The following MDGA2 variants were observed in gnomAD, a reference collection of about 807,000 sequenced individuals.
MDGA2 encodes MAM domain containing glycosylphosphatidylinositol anchor 2.
A neutral mutation model predicts 117.8 loss-of-function variants in MDGA2; 40 were observed. That is an observed-to-expected ratio of 0.34 (90% CI 0.26 to 0.44). The LOEUF (loss-of-function observed/expected upper bound fraction) is 0.44, where lower values mean the gene tolerates loss of function less well. Among genes scored for constraint, MDGA2 ranks in the 20% least tolerant of loss-of-function variants. MDGA2 has a pLI of 1.00. For synonymous variants in MDGA2, 452 were observed against 439.0 expected, an observed-to-expected ratio of 1.03 and a Z score of -0.37; for missense variants, 1,123 against 1,250.6, an observed-to-expected ratio of 0.90 and a Z score of 1.54.
At chr14:47,402,350 CA>C (rs200020346) in intron 1 of MDGA2, among the ~76,000 whole-genome samples, 1 of 106,182 alleles carries the variant, frequency 9.4e-6, no homozygotes, top group African/African-American at 3.7e-5. Context: ...CCCCACCCCG[CA>C]AAAAAAAGAG....
In MDGA2 at chr14:47,163,955, G is replaced by A. The variant is rs117960278; in HGVS notation, c.596-19681C>T. On this transcript the variant is annotated intron_variant, in intron 3 of 16. Coordinates refer to ENST00000399232, the MANE Select transcript of MDGA2 (RefSeq NM_001113498.3). ...GAGGCAGCCATGTCCTCACTGGCTC[G>A]TGGAGGGATTGAGGGCTGTGCTTCT... Among the ~76,000 whole-genome samples the A allele has an allele frequency of 2.7e-4, 41 of 152,314 alleles. No individual in the cohort carries two copies. In the East Asian group the frequency reaches 4.6e-3, roughly 17 times the overall value.
At position 47,674,797 on chromosome 14, in the gene MDGA2, GCACA is replaced by G; in HGVS notation, c.-5_-2del. On this transcript the variant is annotated 5_prime_UTR_variant, in exon 1 of 17. Transcript: ENST00000399232. ...GGAGCCCCGCACTCCACACACTCATGCACACACACACTCACACACACTCACACAC... is the reference window on the plus strand; with the variant it reads ...GGAGCCCCGCACTCCACACACTCATGCACACACTCACACACACTCACACAC... 4.4e-6 allele frequency: 3 copies of G among 675,656 alleles called. No homozygotes were observed. The highest frequency in any genetic ancestry group is 1.8e-5 in the African/African-American group (1 of 55,542). 41.9% of individuals were successfully genotyped at this position (675,656 alleles called of 1,614,324 possible).
chr14:46,852,763 CTA>C (rs1594994798), intron 15 of MDGA2, among the ~76,000 whole-genome samples: 1 of 151,794 alleles, frequency 6.6e-6, no homozygotes, highest in East Asian at 1.9e-4. Context: ...ATAATTAGCC[CTA>C]TACCAAACAT....
At chr14:47,194,132 T>C (rs1413320950) in intron 3 of MDGA2, among the ~76,000 whole-genome samples, 1 of 152,178 alleles carries the variant, frequency 6.6e-6, no homozygotes, top group Non-Finnish European at 1.5e-5. Flanking sequence ...ATTCTAATAA[T>C]AGTGTTGAAA....
chr14:46,949,156 C>T (rs913689599), intron 9 of MDGA2, among the ~76,000 whole-genome samples: 2 of 152,024 alleles, frequency 1.3e-5, no homozygotes, highest in Non-Finnish European at 2.9e-5. Flanking sequence ...AGCAAGGCCA[C>T]AAAGAATTAA....
intron 10 of MDGA2, among the ~76,000 whole-genome samples, chr14:46,898,548 T>G (rs2138438497): frequency 6.6e-6 from 1 of 151,524 alleles, no homozygotes; most frequent in South Asian, 2.1e-4. Flanking sequence ...CAAGTACAGG[T>G]TTTTCAAATA....
At chr14:47,455,336 T>A (rs900124985) in intron 1 of MDGA2, among the ~76,000 whole-genome samples, 1 of 151,990 alleles carries the variant, frequency 6.6e-6, no homozygotes, top group South Asian at 2.1e-4. Context: ...TGAAACCCCA[T>A]CTCCACTAAA....
At chr14:46,897,148 T>C (rs1055152348) in intron 10 of MDGA2, among the ~76,000 whole-genome samples, 4 of 152,158 alleles carry the variant, frequency 2.6e-5, no homozygotes, top group Admixed American at 6.6e-5. Context: ...TCCGTATTTA[T>C]TCCTATATGA....
rs527411875 is a variant in MDGA2, at chr14:47,675,306, G to C, written c.-510C>G. Among the ~76,000 whole-genome samples the C allele has an allele frequency of 4.8e-3, 645 of 133,768 alleles. 9 individuals are homozygous for C. Among genetic ancestry groups the C allele is most frequent in the African/African-American group, 0.017 (610 of 35,898 alleles). 87.8% of individuals were successfully genotyped at this position (133,768 alleles called of 152,430 possible). On this transcript the variant is annotated 5_prime_UTR_variant, in exon 1 of 17. Transcript: ENST00000399232. Reference sequence around the variant, plus strand: ...ACGATACAGACTCGCATCGCCGAACGGGGAGAGGAGGAAGAGGAGGAGGAG... The same window carrying C: ...ACGATACAGACTCGCATCGCCGAACCGGGAGAGGAGGAAGAGGAGGAGGAG...
intron 1 of MDGA2, among the ~76,000 whole-genome samples, chr14:47,468,271 G>A (rs1430084543): frequency 6.6e-6 from 1 of 152,092 alleles, no homozygotes; most frequent in African/African-American, 2.4e-5. Context: ...ATGTCTCAAA[G>A]AAAGAAAAGA....
chr14:47,202,940 G>A (rs1337478587), intron 3 of MDGA2, among the ~76,000 whole-genome samples: 1 of 151,828 alleles, frequency 6.6e-6, no homozygotes, highest in Non-Finnish European at 1.5e-5. Context: ...TTGAAATACT[G>A]GAAAATAACT....
intron 2 of MDGA2, among the ~76,000 whole-genome samples, chr14:47,228,284 G>T (rs1027713987): frequency 6.6e-6 from 1 of 152,226 alleles, no homozygotes; most frequent in South Asian, 2.1e-4. Context: ...CCCCATCAAG[G>T]TTCAATGATT....
chr14:46,911,732 C>T (rs2138483363), intron 10 of MDGA2, among the ~76,000 whole-genome samples: 1 of 152,252 alleles, frequency 6.6e-6, no homozygotes, highest in East Asian at 1.9e-4. Context: ...TGGCATATTT[C>T]TGGTAATAAA....
In MDGA2 at chr14:47,621,936, T is replaced by C. The variant is rs531056481; in HGVS notation, c.280+52581A>G. On this transcript the variant is annotated intron_variant, in intron 1 of 16. Transcript: ENST00000399232. Reference sequence around the variant, plus strand: ...TAGAGAAAACTAATACATTATTACATAGGAATTAACATGTAATGTTGGTTA... The same window carrying C: ...TAGAGAAAACTAATACATTATTACACAGGAATTAACATGTAATGTTGGTTA... Among the ~76,000 whole-genome samples, 8 of 152,322 alleles carry C rather than the reference T, an allele frequency of 5.3e-5. No individual in the cohort carries two copies. The East Asian group carries it at 5.8e-4, about 11-fold the overall frequency.
Position 47,281,830 on chromosome 14 carries a change from G to T in MDGA2, c.420+19581C>A, listed in dbSNP as rs146507245. ...CCAGCACTTTGGGAGACCGAGGTGA[G>T]CCGATCACCTGAGGTCGGAAGCTCG... On this transcript the variant is annotated intron_variant, in intron 2 of 16. Transcript: ENST00000399232. Among the ~76,000 whole-genome samples, 435 of 151,838 alleles carry T rather than the reference G, an allele frequency of 2.9e-3. 11 individuals are homozygous for T. The East Asian group carries it at 0.068, about 24-fold the overall frequency.
chr14:47,495,713 A>G (rs1894268858), intron 1 of MDGA2, among the ~76,000 whole-genome samples: 2 of 152,208 alleles, frequency 1.3e-5, no homozygotes. Context: ...CTGTTGAATA[A>G]CTATTCGAGT....
At chr14:46,847,658 A>G (rs970235692) in intron 15 of MDGA2, among the ~76,000 whole-genome samples, 1 of 152,030 alleles carries the variant, frequency 6.6e-6, no homozygotes, top group East Asian at 1.9e-4. Flanking sequence ...AGAATTGAAT[A>G]TGAAGAAAGG....
intron 6 of MDGA2, among the ~76,000 whole-genome samples, chr14:47,078,697 T>A (rs11157539): frequency 1.3e-5 from 2 of 152,004 alleles, no homozygotes; most frequent in Admixed American, 6.6e-5. Context: ...AAGAAAATGT[T>A]GACTACTAAG....
In MDGA2 at chr14:47,234,195, A is replaced by G. The variant is rs532043462; in HGVS notation, c.421-16000T>C. 8.7e-4 allele frequency among the ~76,000 whole-genome samples: 131 copies of G among 150,964 alleles called. 1 individual carries two copies. The highest frequency in any genetic ancestry group is 2.8e-3 in the African/African-American group (115 of 41,268). On this transcript the variant is annotated intron_variant, in intron 2 of 16. Transcript: ENST00000399232. ...TAATATATGTGTGTGCATATATGCT[A>G]TAAATACTTATATCATTAAATTATA...
Sources: allele counts gnomAD v4.1 joint callset (sites outside exome capture counted in the v4.1 genomes callset), GRCh38; gene constraint gnomAD v4.1.1; transcripts MANE v1.5; gene names NCBI Gene and HGNC (gene_info 2026-07-23, HGNC 2026-07-21).